FGF13: variants seen among roughly 807,000 people sequenced by gnomAD.
The protein encoded by FGF13 is fibroblast growth factor 13.
A neutral mutation model predicts 19.5 loss-of-function variants in FGF13; 2 were observed. That is an observed-to-expected ratio of 0.10 (90% CI 0.04 to 0.32). The LOEUF (loss-of-function observed/expected upper bound fraction) is 0.32. Ranked by LOEUF, FGF13 falls within the 10% of genes least tolerant of loss-of-function variation. FGF13 has a pLI of 1.00. For missense variants in FGF13, 113 were observed against 192.7 expected (o/e 0.59, Z 2.45); for synonymous variants, 72 against 76.9 (o/e 0.94, Z 0.33).
chrX:139,066,410 C>T (rs1464886437), intron 1 of FGF13, among the ~76,000 whole-genome samples: 1 of 111,023 alleles, frequency 9.0e-6, no homozygotes, highest in African/African-American at 3.3e-5. Context: ...TAGACCACTA[C>T]CCAGACTAAT....
chrX:138,863,660 G>A (rs2091301455), intron 2 of FGF13, among the ~76,000 whole-genome samples: 1 of 112,018 alleles, frequency 8.9e-6, no homozygotes, highest in Non-Finnish European at 1.9e-5. Context: ...TACATTGAAG[G>A]TGTGTGCTAT....
intron 1 of FGF13, among the ~76,000 whole-genome samples, chrX:139,071,290 A>G (rs755455378): frequency 1.8e-4 from 20 of 110,624 alleles, no homozygotes; most frequent in African/African-American, 5.6e-4. Context: ...GACAATTTTC[A>G]TTTTTTCGTT....
At chrX:139,187,626 G>C (rs757200089) in intron 1 of FGF13, among the ~76,000 whole-genome samples, 1 of 111,697 alleles carries the variant, frequency 9.0e-6, no homozygotes, top group African/African-American at 3.3e-5. Flanking sequence ...AAAATCTAAT[G>C]GGTTTCATTC....
At chrX:139,097,223 T>C (rs2083476245) in intron 1 of FGF13, among the ~76,000 whole-genome samples, 2 of 111,982 alleles carry the variant, frequency 1.8e-5, no homozygotes, top group South Asian at 7.4e-4. Context: ...GGGTGTCCAG[T>C]CTTTTGGCTT....
intron 1 of FGF13, among the ~76,000 whole-genome samples, chrX:139,070,625 T>G (rs1328231750): frequency 8.9e-6 from 1 of 112,260 alleles, no homozygotes; most frequent in East Asian, 2.8e-4. Flanking sequence ...ATCCCATTAC[T>G]GGGTGTATAC....
At chrX:138,745,481 CCAA>C (rs746263472) in intron 3 of FGF13, among the ~76,000 whole-genome samples, 9 of 111,945 alleles carry the variant, frequency 8.0e-5, no homozygotes, top group South Asian at 7.5e-4. Flanking sequence ...GCTAATCCTC[CCAA>C]CAACAAGGCA....
chrX:138,809,506 C>A lies in FGF13; in HGVS notation c.217+48006G>T, dbSNP rs774884536. Among the ~76,000 whole-genome samples the A allele has an allele frequency of 4.6e-3, 514 of 111,468 alleles. 5 individuals carry two copies. The highest frequency in any genetic ancestry group is 0.016 in the African/African-American group (494 of 30,725). On this transcript the variant is annotated intron_variant, in intron 3 of 6. Coordinates refer to the FGF13 transcript ENST00000436198. ...CCAATATCATACTGAATGGGCAAAA[C>A]CTGGAAGCATTCCCTTTGAAAACTG... is the stretch of plus-strand genomic sequence containing the variant.
chrX:138,694,620 T>G (rs927945630), intron 3 of FGF13, among the ~76,000 whole-genome samples: 4 of 107,101 alleles, frequency 3.7e-5, no homozygotes, highest in African/African-American at 1.4e-4. Flanking sequence ...CCGGCTAATT[T>G]TTTTTTTATT....
intron 1 of FGF13, among the ~76,000 whole-genome samples, chrX:139,123,148 CT>C (rs2083690234): frequency 9.0e-6 from 1 of 111,618 alleles, no homozygotes; most frequent in Admixed American, 9.5e-5. Flanking sequence ...CAGCTTTCCC[CT>C]GGAGTAGGAC....
rs766747914 is a variant in FGF13, at chrX:139,063,901, C to G, written c.-113+139515G>C. On this transcript the variant is annotated intron_variant, in intron 1 of 2. Transcript: ENST00000421460. The stretch of plus-strand genomic sequence containing the variant: ...ATTCAAATCTTCCATACCCTCAATA[C>G]TTGTTTGCTTGATCTATCAGTTTAT... 8.1e-5 allele frequency among the ~76,000 whole-genome samples: 9 copies of G among 111,596 alleles called. No individual in the cohort carries two copies. The East Asian group carries it at 2.5e-3, about 31-fold the overall frequency.
rs766041577 is a variant in FGF13 at position 138,857,660 on chromosome X, A to AG, written c.-20dup. 4 of 1,197,214 alleles carry AG rather than the reference A, an allele frequency of 3.3e-6. No individual in the cohort carries two copies. Among genetic ancestry groups the AG allele is most frequent in the Admixed American group, 2.3e-5 (1 of 44,402 alleles). Reference sequence around the variant, plus strand: ...GTAACATAATGTATTCCTGTGTGCCAGGGGGGGCGTCATCCAGAACTGTGG... The same window carrying AG: ...GTAACATAATGTATTCCTGTGTGCCAGGGGGGGGCGTCATCCAGAACTGTGG... On this transcript the variant is annotated 5_prime_UTR_variant, in exon 3 of 3. Coordinates refer to the FGF13 transcript ENST00000421460.
intron 3 of FGF13, among the ~76,000 whole-genome samples, chrX:138,851,504 A>G (rs2091221582): frequency 8.9e-6 from 1 of 111,879 alleles, no homozygotes; most frequent in Non-Finnish European, 1.9e-5. Context: ...AAGGTCTTCA[A>G]TAAAATTCAA....
At chrX:139,101,355 T>G (rs1273873507) in intron 1 of FGF13, among the ~76,000 whole-genome samples, 1 of 112,677 alleles carries the variant, frequency 8.9e-6, no homozygotes, top group Non-Finnish European at 1.9e-5. Context: ...CTGAATAGTC[T>G]GCTGCAAATA....
intron 1 of FGF13, among the ~76,000 whole-genome samples, chrX:139,031,100 CA>C (rs1053614908): frequency 2.7e-5 from 3 of 111,340 alleles, no homozygotes; most frequent in African/African-American, 9.8e-5. Flanking sequence ...GCAATTTAGT[CA>C]AAAATCTCAT....
intron 3 of FGF13, among the ~76,000 whole-genome samples, chrX:138,752,505 C>T (rs149564895): frequency 2.5e-3 from 278 of 111,981 alleles, no homozygotes; most frequent in African/African-American, 8.2e-3. Flanking sequence ...TGTATGTTTG[C>T]GTATACTCTA....
intron 1 of FGF13, among the ~76,000 whole-genome samples, chrX:139,020,927 G>T (rs913376851): frequency 2.7e-5 from 3 of 110,773 alleles, no homozygotes; most frequent in Non-Finnish European, 3.8e-5. Flanking sequence ...TATTGAATTG[G>T]ATAATAACCT....
chrX:138,667,272 TAGAG>T (rs1569358794), intron 3 of FGF13, among the ~76,000 whole-genome samples: 1 of 105,879 alleles, frequency 9.4e-6, no homozygotes, highest in Non-Finnish European at 1.9e-5. Context: ...TGTATATATA[TAGAG>T]AGAGAGAGAG....
chrX:138,902,276 G>A (rs1036300979), intron 1 of FGF13, among the ~76,000 whole-genome samples: 28 of 112,219 alleles, frequency 2.5e-4, no homozygotes, highest in African/African-American at 8.1e-4. Flanking sequence ...AGGTTATTTT[G>A]ATGGTTATAG....
At chrX:139,018,779 C>A (rs57922079) in intron 1 of FGF13, among the ~76,000 whole-genome samples, 4,602 of 110,337 alleles carry the variant, frequency 0.042, 250 homozygotes, top group African/African-American at 0.14. Flanking sequence ...CCCTCCTTTA[C>A]TCTTTTTTTT....
Sources: gnomAD v4.1 joint callset for allele counts (sites outside exome capture counted in the v4.1 genomes callset) on GRCh38, gnomAD v4.1.1 for gene constraint, MANE v1.5 for transcripts, NCBI Gene and HGNC (gene_info 2026-07-23, HGNC 2026-07-21) for gene names.